The following ZEB2 variants were observed in gnomAD, a reference collection of about 807,000 sequenced individuals.
ZEB2 encodes zinc finger E-box binding homeobox 2.
Under a neutral mutation model 99.9 loss-of-function variants are expected in ZEB2, and 6 were observed. The ratio of observed to expected loss-of-function variants is 0.06; its 90% CI spans 0.03 to 0.12. The LOEUF (loss-of-function observed/expected upper bound fraction) is 0.12. Ranked by LOEUF, ZEB2 falls within the 10% of genes least tolerant of loss-of-function variation. The probability of loss-of-function intolerance (pLI) is 1.00; values close to 1 mark genes in which losing one functional copy is unlikely to be tolerated. For missense variants in ZEB2, 969 were observed against 1,502.8 expected (o/e 0.64, Z 5.87); for synonymous variants, 517 against 542.5 (o/e 0.95, Z 0.65).
At chr2:144,501,868 A>T (rs1485698742) in intron 2 of ZEB2, among the ~76,000 whole-genome samples, 2 of 152,252 alleles carry the variant, frequency 1.3e-5, no homozygotes, top group Non-Finnish European at 2.9e-5. Flanking sequence ...AACAGGCCAC[A>T]GAGTGTCTTG....
At chr2:144,437,659 T>TA (rs1703855901) in intron 2 of ZEB2, among the ~76,000 whole-genome samples, 1 of 152,196 alleles carries the variant, frequency 6.6e-6, no homozygotes, top group African/African-American at 2.4e-5. Context: ...TATTTTTTTT[T>TA]ATCTGACATG....
intron 2 of ZEB2, among the ~76,000 whole-genome samples, chr2:144,441,270 C>A (rs934574028): frequency 9.9e-5 from 15 of 151,460 alleles, no homozygotes; most frequent in Non-Finnish European, 2.1e-4. Flanking sequence ...CCCTTCCCTG[C>A]CGCCTTCTGT....
At chr2:144,407,668 ACTT>A (rs1703406783) in intron 4 of ZEB2, among the ~76,000 whole-genome samples, 1 of 152,204 alleles carries the variant, frequency 6.6e-6, no homozygotes, top group Non-Finnish European at 1.5e-5. Flanking sequence ...TCAGTGACTG[ACTT>A]CTTTTTCAGT....
At chr2:144,408,634 G>A (rs1703417635) in intron 4 of ZEB2, among the ~76,000 whole-genome samples, 2 of 152,314 alleles carry the variant, frequency 1.3e-5, no homozygotes, top group Middle Eastern at 6.8e-3. Flanking sequence ...GTTTTTCCAT[G>A]AGGTGCAATA....
chr2:144,414,706 T>C (rs879600955), intron 4 of ZEB2, among the ~76,000 whole-genome samples: 17 of 152,176 alleles, frequency 1.1e-4, no homozygotes, highest in Non-Finnish European at 2.4e-4. Flanking sequence ...GATTTATGTA[T>C]CCTGACTCTT....
At chr2:144,456,977 C>T (rs574348139) in intron 2 of ZEB2, among the ~76,000 whole-genome samples, 2 of 152,238 alleles carry the variant, frequency 1.3e-5, no homozygotes, top group East Asian at 1.9e-4. Context: ...AGAGTCAGAG[C>T]TCTCCACCAC....
At chr2:144,454,555 T>A (rs1055143039) in intron 2 of ZEB2, among the ~76,000 whole-genome samples, 1 of 152,242 alleles carries the variant, frequency 6.6e-6, no homozygotes, top group Non-Finnish European at 1.5e-5. Flanking sequence ...TAACTTATTT[T>A]ACCTAAATCT....
At chr2:144,396,323 A>C in intron 9 of ZEB2, 89 bp downstream of exon 9, 1 of 1,511,732 alleles carries the variant, frequency 6.6e-7, no homozygotes, top group Non-Finnish European at 9.2e-7. Flanking sequence ...CATATGTTAC[A>C]TCTTATGTTG....
At chr2:144,453,230 G>C (rs1156833652) in intron 2 of ZEB2, among the ~76,000 whole-genome samples, 1 of 152,180 alleles carries the variant, frequency 6.6e-6, no homozygotes, top group Non-Finnish European at 1.5e-5. Flanking sequence ...CAATTTGTTA[G>C]CTACCAAAGG....
At chr2:144,395,290 C>T (rs778962169) in intron 9 of ZEB2, among the ~76,000 whole-genome samples, 2 of 152,210 alleles carry the variant, frequency 1.3e-5, no homozygotes, top group South Asian at 2.1e-4. Context: ...TGAGCTGCTG[C>T]GCCTGGCTCA....
intron 2 of ZEB2, among the ~76,000 whole-genome samples, chr2:144,467,071 T>C (rs1704282027): frequency 6.6e-6 from 1 of 152,058 alleles, no homozygotes; most frequent in Admixed American, 6.6e-5. Flanking sequence ...TCTCTGGTTG[T>C]TTTGAAAGTG....
rs1553961560 is a variant in ZEB2, at chr2:144,398,862, C to T, written c.2325G>A (p.Leu775=). 5.6e-6 allele frequency: 9 copies of T among 1,613,962 alleles called. No individual in the cohort carries two copies. Among genetic ancestry groups the T allele is most frequent in the African/African-American group, 2.7e-5 (2 of 74,908 alleles). The change falls in exon 8 of 10, where the codon TTG becomes TTA. Residue 775 remains leucine, a synonymous_variant. Transcript: ENST00000627532. ...AAGGAGTATTACTCCTGGAGTGGTC[C>T]AATTTTTCAACTGGTTTAATATTGG... ...HFTNIKPVEK[L]DHSRSNTPSP... is the part of the protein sequence containing the mutation.
At chr2:144,513,428 C>T (rs1466061604) in intron 2 of ZEB2, 16 of 1,413,192 alleles carry the variant, frequency 1.1e-5, no homozygotes, top group African/African-American at 1.4e-5. Flanking sequence ...AGTGGAAACT[C>T]TGGAGAAAAA....
Position 144,398,926 on chromosome 2 carries a change from C to G in ZEB2, c.2261G>C (p.Cys754Ser), listed in dbSNP as rs745811811. The change falls in exon 8 of 10, where the codon TGT becomes TCT. Residue 754 changes from cysteine to serine, a missense_variant. Coordinates refer to ENST00000627532, the MANE Select transcript of ZEB2 (RefSeq NM_014795.4). ...IAELHNSVTN[C>S]DPPLRLTKPS... ...TTTTGTTAGCCTGAGAGGAGGATCA[C>G]AATTCGTAACACTGTTGTGGAGTTC... 3 of 1,614,144 alleles carry G rather than the reference C, an allele frequency of 1.9e-6. No individual in the cohort carries two copies. The East Asian group carries it at 6.7e-5, about 36-fold the overall frequency.
At chr2:144,489,981 C>T (rs1382607544) in intron 2 of ZEB2, among the ~76,000 whole-genome samples, 1 of 152,200 alleles carries the variant, frequency 6.6e-6, no homozygotes, top group African/African-American at 2.4e-5. Flanking sequence ...GAGAGAAAGG[C>T]TGTTTTTGCC....
chr2:144,419,543 A>C (rs1703591268), intron 4 of ZEB2, among the ~76,000 whole-genome samples: 1 of 152,252 alleles, frequency 6.6e-6, no homozygotes, highest in Non-Finnish European at 1.5e-5. Flanking sequence ...AATGCTAATG[A>C]TCACCATGCA....
intron 2 of ZEB2, chr2:144,513,053 T>C (rs1388598281): frequency 7.8e-7 from 1 of 1,287,262 alleles, no homozygotes; most frequent in Non-Finnish European, 1.0e-6. Context: ...TAAGTGTGTA[T>C]GACTCTCGTT....
Position 144,489,082 on chromosome 2 carries a change from G to T in ZEB2, c.73+28196C>A, listed in dbSNP as rs578144214. ...TATTATTGCTAACTATGGGTGTATT[G>T]TTGTTCAGCAGATCTCTAGAATTTA... On this transcript the variant is annotated intron_variant, in intron 2 of 9. Coordinates refer to ENST00000627532, the MANE Select transcript of ZEB2 (RefSeq NM_014795.4). Among the ~76,000 whole-genome samples the T allele has an allele frequency of 2.0e-5, 3 of 152,218 alleles. No homozygotes were observed. In the South Asian group the frequency reaches 6.2e-4, roughly 32 times the overall value.
chr2:144,488,419 A>T (rs1340651350), intron 2 of ZEB2, among the ~76,000 whole-genome samples: 1 of 152,186 alleles, frequency 6.6e-6, no homozygotes, highest in Non-Finnish European at 1.5e-5. Flanking sequence ...CCAAATCAAA[A>T]CACATAGAGT....
Sources: gnomAD v4.1 joint callset for allele counts (sites outside exome capture counted in the v4.1 genomes callset) on GRCh38, gnomAD v4.1.1 for gene constraint, MANE v1.5 for transcripts, NCBI Gene and HGNC (gene_info 2026-07-23, HGNC 2026-07-21) for gene names.